The following CA12 variants were observed in gnomAD, a reference collection of about 807,000 sequenced individuals.
The protein encoded by CA12 is carbonate dehydratase XII.
In CA12, 36 loss-of-function variants were observed where a neutral mutation model predicts 46.8. The ratio of observed to expected loss-of-function variants is 0.77; its 90% confidence interval spans 0.59 to 1.02. CA12 has a LOEUF of 1.02. Among genes scored for constraint, CA12 ranks in the 50% least tolerant of loss-of-function variants. CA12 has a pLI of 0.00. For synonymous variants in CA12, 202 were observed against 187.0 expected (o/e 1.08, Z -0.65); for missense variants, 436 against 451.4 (o/e 0.97, Z 0.31).
intron 1 of CA12, among the ~76,000 whole-genome samples, chr15:63,381,114 T>G (rs1567058565): frequency 6.6e-6 from 1 of 152,174 alleles, no homozygotes; most frequent in East Asian, 1.9e-4. Flanking sequence ...AGAGCCCTCC[T>G]GGAGAAAAAC....
In CA12 at chr15:63,340,325, G is replaced by A. The variant is rs780632361; in HGVS notation, c.710C>T (p.Thr237Ile). 1 of 1,614,176 alleles carries A rather than the reference G, an allele frequency of 6.2e-7. No homozygotes were observed. Among genetic ancestry groups the A allele is most frequent in the South Asian group, 1.1e-5 (1 of 91,088 alleles). ...TPPCNPTVLW[T>I]VFRNPVQISQ... ...AATTTGCACGGGGTTTCGGAAAACT[G>A]TCCAGAGCACAGTGGGGTTGCAAGG... The change falls in exon 7 of 11, where the codon ACA becomes ATA. Residue 237 changes from threonine to isoleucine, a missense_variant. Thr to Ile is a moderately conservative substitution (Grantham distance 89, BLOSUM62 -1). Coordinates refer to ENST00000178638, the MANE Select transcript of CA12 (RefSeq NM_001218.5). This position sits in a 1 kb window ranked among gnomAD's most constrained non-coding sequence, Gnocchi z 4.4.
At chr15:63,346,400 CCCCCG>C in intron 3 of CA12, 125 bp downstream of exon 3, 1 of 687,748 alleles carries the variant, frequency 1.5e-6, no homozygotes, top group Non-Finnish European at 2.6e-6. Flanking sequence ...CTCAAAGACA[CCCCCG>C]CCCCGCCCCA....
chr15:63,364,564 T>C (rs977963100), intron 2 of CA12, among the ~76,000 whole-genome samples: 1 of 152,050 alleles, frequency 6.6e-6, no homozygotes, highest in East Asian at 1.9e-4. Context: ...GAACACAGAT[T>C]GGGGGATGTG....
chr15:63,364,627 C>T (rs948792322), intron 2 of CA12, among the ~76,000 whole-genome samples: 22 of 152,326 alleles, frequency 1.4e-4, no homozygotes, highest in Admixed American at 1.4e-3. Context: ...TCGCAGTGTG[C>T]CGTTCTCATA....
intron 2 of CA12, among the ~76,000 whole-genome samples, chr15:63,363,119 A>C (rs1463369116): frequency 1.3e-5 from 2 of 152,188 alleles, no homozygotes; most frequent in Non-Finnish European, 1.5e-5. Context: ...GGCCCTCCTG[A>C]GTTGATTTGT....
At chr15:63,381,323 T>A (rs2039642286) in intron 1 of CA12, among the ~76,000 whole-genome samples, 1 of 152,156 alleles carries the variant, frequency 6.6e-6, no homozygotes, top group African/African-American at 2.4e-5. Flanking sequence ...GGGAACGCTG[T>A]TTTAAATCTT....
At chr15:63,376,558 C>CTTTCTTTCTTTCT (rs1555432631) in intron 1 of CA12, among the ~76,000 whole-genome samples, 17 of 2,772 alleles carry the variant, frequency 6.1e-3, no homozygotes, top group Admixed American at 0.036. Context: ...TCTTTCTTTC[C>CTTTCTTTCTTTCT]TTTCTTTCTT....
At position 63,340,609 on chromosome 15, in the gene CA12, C is replaced by A; in HGVS notation, c.589+111G>T. 7.1e-7 allele frequency: 1 copy of A among 1,401,808 alleles called. No homozygotes were observed. The highest frequency in any genetic ancestry group is 1.0e-6 in the Non-Finnish European group (1 of 987,744). 86.8% of individuals were successfully genotyped at this position (1,401,808 alleles called of 1,614,324 possible). The stretch of plus-strand genomic sequence containing the variant: ...TGTTCAACAACCTGCTGCTCTTAAC[C>A]TGGTGAACACAGACAGCACCTGCCC... On this transcript the variant is annotated intron_variant, in intron 6 of 10. Transcript: ENST00000178638. This position sits in a 1 kb window ranked among gnomAD's most constrained non-coding sequence, Gnocchi z 4.4.
chr15:63,347,384 A>G (rs925525075), intron 2 of CA12, among the ~76,000 whole-genome samples: 1 of 152,224 alleles, frequency 6.6e-6, no homozygotes. Flanking sequence ...GTAACTATAG[A>G]ACCCAATCTG....
intron 2 of CA12, among the ~76,000 whole-genome samples, chr15:63,357,325 C>T (rs2039307595): frequency 6.6e-6 from 1 of 152,220 alleles, no homozygotes; most frequent in Non-Finnish European, 1.5e-5. Context: ...GCATTTCTAA[C>T]ACATTCCCAG....
chr15:63,332,327 C>T (rs55871911), intron 8 of CA12, among the ~76,000 whole-genome samples: 58,736 of 152,132 alleles, frequency 0.39, 13,037 homozygotes, highest in Non-Finnish European at 0.52. Context: ...ACAAGAATTG[C>T]TACAAAGAAA....
chr15:63,340,235 G>C lies in CA12; in HGVS notation c.747+53C>G, dbSNP rs540781820. ...AGTCATTGATTGTGATATGGAGGAT[G>C]ATGGGGACTGAGGTGCCGCGTGGAC... is the stretch of plus-strand genomic sequence containing the variant. On this transcript the variant is annotated intron_variant, in intron 7 of 10. Coordinates refer to ENST00000178638, the MANE Select transcript of CA12 (RefSeq NM_001218.5). The surrounding 1 kb of genome is among the most constrained non-coding windows in gnomAD (Gnocchi z 4.4). The C allele has an allele frequency of 1.9e-6, 3 of 1,593,334 alleles. No individual in the cohort carries two copies. The highest frequency in any genetic ancestry group is 2.6e-6 in the Non-Finnish European group (3 of 1,161,538).
At chr15:63,336,315 G>T (rs774797381) in intron 8 of CA12, among the ~76,000 whole-genome samples, 1 of 152,102 alleles carries the variant, frequency 6.6e-6, no homozygotes, top group Admixed American at 6.6e-5. Context: ...GACACAAGCC[G>T]GTCTAAGAAG....
chr15:63,359,356 A>G (rs1479713124), intron 2 of CA12, among the ~76,000 whole-genome samples: 2 of 151,634 alleles, frequency 1.3e-5, no homozygotes, highest in Non-Finnish European at 2.9e-5. Flanking sequence ...CCACCACACC[A>G]AATGCCTGGC....
At chr15:63,362,790 C>A (rs549314208) in intron 2 of CA12, among the ~76,000 whole-genome samples, 106 of 152,186 alleles carry the variant, frequency 7.0e-4, no homozygotes, top group African/African-American at 2.5e-3. Context: ...AGTAAAAAAA[C>A]CACGAAAACA....
In CA12 at chr15:63,339,749, A is replaced by G. The variant is rs556347312; in HGVS notation, c.747+539T>C. On this transcript the variant is annotated intron_variant, in intron 7 of 10. Transcript: ENST00000178638. The surrounding 1 kb of genome is among the most constrained non-coding windows in gnomAD (Gnocchi z 4.3). ...CAGTGACATGGAACTCAGATGACCT[A>G]ACTTTGGGTCTCAGCTTTGTCACTA... Among the ~76,000 whole-genome samples the G allele has an allele frequency of 2.6e-5, 4 of 152,314 alleles. No homozygotes were observed. In the South Asian group the frequency reaches 6.2e-4, roughly 24 times the overall value.
chr15:63,340,792 G>C lies in CA12; in HGVS notation c.526-9C>G. Reference sequence around the variant, plus strand: ...GGATTGAAGGAGCCCATCTGCAACAGAGACAGGGCAGGTTAAACTGGGACA... The same window carrying C: ...GGATTGAAGGAGCCCATCTGCAACACAGACAGGGCAGGTTAAACTGGGACA... On this transcript the variant is annotated splice_polypyrimidine_tract_variant and intron_variant, in intron 5 of 10. Coordinates refer to ENST00000178638, the MANE Select transcript of CA12 (RefSeq NM_001218.5). This position sits in a 1 kb window ranked among gnomAD's most constrained non-coding sequence, Gnocchi z 4.4. 3 of 1,613,884 alleles carry C rather than the reference G, an allele frequency of 1.9e-6. No individual in the cohort carries two copies. Among genetic ancestry groups the C allele is most frequent in the Non-Finnish European group, 2.5e-6 (3 of 1,179,714 alleles).
In CA12 at chr15:63,329,891, T is replaced by C. The variant is rs548426380; in HGVS notation, c.875-1761A>G. On this transcript the variant is annotated intron_variant, in intron 8 of 10. Coordinates refer to ENST00000178638, the MANE Select transcript of CA12 (RefSeq NM_001218.5). The surrounding 1 kb of genome is among the most constrained non-coding windows in gnomAD (Gnocchi z 4.8). ...CCCCAGGAGCCATCAGCCGTGTGCT[T>C]TTCCGATTGTCTTTTTCTGCAATCT... 6.6e-5 allele frequency among the ~76,000 whole-genome samples: 10 copies of C among 152,164 alleles called. No individual in the cohort carries two copies. In the South Asian group the frequency reaches 2.1e-3, roughly 31 times the overall value.
chr15:63,339,999 C>A lies in CA12; in HGVS notation c.747+289G>T, dbSNP rs2039055447. On this transcript the variant is annotated intron_variant, in intron 7 of 10. Transcript: ENST00000178638. This position sits in a 1 kb window ranked among gnomAD's most constrained non-coding sequence, Gnocchi z 4.3. ...GTAAAGGAACCAGGCTCTCTCCTGC[C>A]TGGGAAGTGAATACCACCCAGCCAC... The A allele has an allele frequency of 2.3e-6, 1 of 433,080 alleles. No homozygotes were observed. 26.8% of individuals were successfully genotyped at this position (433,080 alleles called of 1,614,324 possible).
Sources: gnomAD v4.1 joint callset for allele counts (sites outside exome capture counted in the v4.1 genomes callset) on GRCh38, gnomAD v4.1.1 for gene constraint, Gnocchi (gnomAD v3.1) non-coding constraint, MANE v1.5 for transcripts, NCBI Gene and HGNC (gene_info 2026-07-23, HGNC 2026-07-21) for gene names.